GEMIN7: variants seen among roughly 807,000 people sequenced by gnomAD.
GEMIN7 encodes the protein gem nuclear organelle associated protein 7.
GEMIN7 carries 7 observed loss-of-function variants against 7.8 expected under a neutral mutation model. The observed-to-expected ratio is 0.90, with a 90% CI of 0.51 to 1.69. The LOEUF is 1.69. Ranked by LOEUF, GEMIN7 falls within the 40% of genes most tolerant of loss-of-function variation. GEMIN7 has a pLI of 0.00. For synonymous variants in GEMIN7, 68 were observed against 72.4 expected (o/e 0.94, Z 0.31); for missense variants, 159 against 176.2 (o/e 0.90, Z 0.55).
intron 2 of GEMIN7, among the ~76,000 whole-genome samples, chr19:45,080,321 G>A (rs1157445217): frequency 6.6e-6 from 1 of 151,870 alleles, no homozygotes; most frequent in Non-Finnish European, 1.5e-5. Context: ...GCACGGGTGA[G>A]GACCAGAGTT....
At chr19:45,076,294 A>G, upstream of GEMIN7, 1 of 1,454,252 alleles carries the variant, frequency 6.9e-7, no homozygotes, top group Non-Finnish European at 9.1e-7. The surrounding 1 kb of genome is among the most constrained non-coding windows in gnomAD (Gnocchi z 4.9). Flanking sequence ...GAGGTCCTGC[A>G]TTTCCATCTC....
chr19:45,084,543 C>T (rs1184615467), intron 2 of GEMIN7, among the ~76,000 whole-genome samples: 1 of 152,008 alleles, frequency 6.6e-6, no homozygotes, highest in Non-Finnish European at 1.5e-5. Flanking sequence ...GTTGGGATTA[C>T]AGGTGTGTGC....
At chr19:45,081,963 A>G (rs1325481191) in intron 2 of GEMIN7, among the ~76,000 whole-genome samples, 1 of 151,776 alleles carries the variant, frequency 6.6e-6, no homozygotes, top group Non-Finnish European at 1.5e-5. Context: ...ACTTCTCCCC[A>G]TTCCCATTGT....
intron 2 of GEMIN7, among the ~76,000 whole-genome samples, chr19:45,089,087 G>C (rs879932677): frequency 7.2e-5 from 11 of 151,834 alleles, no homozygotes; most frequent in Admixed American, 6.6e-4. Context: ...GACTACAGGC[G>C]CATGACACCA....
chr19:45,076,552 G>T (rs1280257696), upstream of GEMIN7: 1 of 407,734 alleles, frequency 2.5e-6, no homozygotes, highest in African/African-American at 2.1e-5. The surrounding 1 kb of genome is among the most constrained non-coding windows in gnomAD (Gnocchi z 4.9). Flanking sequence ...GGGCTCATGG[G>T]AGGGGACCGA....
rs1223623181 is a variant in GEMIN7 at position 45,090,308 on chromosome 19, G to A, written c.194G>A (p.Arg65His). Residue 65 changes from arginine to histidine, a missense_variant, in exon 3 of 3, where the codon CGT becomes CAT. Arg to His is a conservative substitution (Grantham distance 29). Transcript: ENST00000270257. ...EQRARAALRE[R>H]YLRSLLAMVG... ...CGGGCACGAGCCGCCCTTCGGGAGCGTTACCTCCGCAGCCTGCTGGCCATG... is the reference window on the plus strand; with the variant it reads ...CGGGCACGAGCCGCCCTTCGGGAGCATTACCTCCGCAGCCTGCTGGCCATG... 5.6e-6 allele frequency: 9 copies of A among 1,614,042 alleles called. No homozygotes were observed. Among genetic ancestry groups the A allele is most frequent in the South Asian group, 1.1e-5 (1 of 91,088 alleles).
upstream of GEMIN7, among the ~76,000 whole-genome samples, chr19:45,077,493 A>G (rs1335600695): frequency 6.6e-6 from 1 of 152,144 alleles, no homozygotes; most frequent in African/African-American, 2.4e-5. Flanking sequence ...ACTGCACGAC[A>G]GTATAGAACG....
chr19:45,079,095 C>G (rs1400681312), upstream of GEMIN7: 1 of 152,240 alleles, frequency 6.6e-6, no homozygotes, highest in Non-Finnish European at 1.5e-5. Flanking sequence ...CCAAGTGCCC[C>G]GCAAAGCCGC....
chr19:45,077,822 T>C (rs1967385405), upstream of GEMIN7, among the ~76,000 whole-genome samples: 1 of 152,056 alleles, frequency 6.6e-6, no homozygotes, highest in Non-Finnish European at 1.5e-5. Context: ...TAGAGGGTTA[T>C]CTGAGGTGGT....
rs1287798201 is a variant in GEMIN7 at position 45,090,545 on chromosome 19, G to A, written c.*35G>A. The A allele has an allele frequency of 6.4e-7, 1 of 1,570,508 alleles. No individual in the cohort carries two copies. The highest frequency in any genetic ancestry group is 8.7e-7 in the Non-Finnish European group (1 of 1,151,308). On this transcript the variant is annotated 3_prime_UTR_variant, in exon 3 of 3. Transcript: ENST00000270257. ...GTTCACTTTTCTGCTTGAGGCTAAG[G>A]CACTGTATCCCAGGCCTCCCAATGT...
intron 2 of GEMIN7, among the ~76,000 whole-genome samples, chr19:45,081,127 C>T (rs10427100): frequency 2.6e-5 from 4 of 151,948 alleles, no homozygotes; most frequent in Non-Finnish European, 4.4e-5. Flanking sequence ...TACAGCGAGA[C>T]CTCACCTCAA....
At chr19:45,081,456 T>TAA (rs770031956) in intron 2 of GEMIN7, among the ~76,000 whole-genome samples, 21 of 131,058 alleles carry the variant, frequency 1.6e-4, no homozygotes, top group African/African-American at 8.4e-5. Context: ...GACTCCGTCT[T>TAA]AAAAAAAAAA....
At chr19:45,082,212 C>A (rs568245107) in intron 2 of GEMIN7, among the ~76,000 whole-genome samples, 4 of 152,142 alleles carry the variant, frequency 2.6e-5, no homozygotes, top group Admixed American at 2.6e-4. Flanking sequence ...TCCCTGCCCC[C>A]ACCTCCTCCA....
intron 2 of GEMIN7, among the ~76,000 whole-genome samples, chr19:45,080,908 T>A (rs1172470730): frequency 1.3e-5 from 2 of 152,060 alleles, no homozygotes; most frequent in Admixed American, 1.3e-4. Flanking sequence ...CCCTAGAGAC[T>A]AGGGGGTTTC....
At chr19:45,085,872 T>C (rs1259932350) in intron 2 of GEMIN7, among the ~76,000 whole-genome samples, 1 of 136,468 alleles carries the variant, frequency 7.3e-6, no homozygotes, top group East Asian at 2.1e-4. Context: ...TCTTTTTTTT[T>C]TTTTTTTTTT....
At chr19:45,076,420 G>A, upstream of GEMIN7, 2 of 1,212,964 alleles carry the variant, frequency 1.6e-6, no homozygotes, top group Non-Finnish European at 1.0e-6. This position sits in a 1 kb window ranked among gnomAD's most constrained non-coding sequence, Gnocchi z 4.9. Flanking sequence ...AGGCAGGCGG[G>A]CGGGCGGAGG....
At position 45,090,403 on chromosome 19, in the gene GEMIN7, C is replaced by G; in HGVS notation, c.289C>G (p.Leu97Val). 1 of 1,614,172 alleles carries G rather than the reference C, an allele frequency of 6.2e-7. No individual in the cohort carries two copies. The highest frequency in any genetic ancestry group is 2.2e-5 in the East Asian group (1 of 44,892). ...RVAAHFGATD[L>V]DVANFYVSQL... ...GGCCGCCCACTTTGGAGCCACCGACCTGGATGTGGCCAACTTCTACGTGTC... is the reference window on the plus strand; with the variant it reads ...GGCCGCCCACTTTGGAGCCACCGACGTGGATGTGGCCAACTTCTACGTGTC... Residue 97 changes from leucine (L) to valine (V), a missense_variant, in exon 3 of 3, where the codon CTG becomes GTG. By Grantham distance (32) the Leu-to-Val change is conservative. Transcript: ENST00000270257.
chr19:45,089,979 G>A (rs1600146492), intron 2 of GEMIN7, 128 bp from the exon 3 acceptor site: 1 of 919,478 alleles, frequency 1.1e-6, no homozygotes, highest in East Asian at 2.4e-5. Context: ...ATTTTAGGAG[G>A]GTGGATCAGT....
rs778823838 is a variant in GEMIN7, at chr19:45,090,239, A to G, written c.125A>G (p.Gln42Arg). The change falls in exon 3 of 3, where the codon CAG (glutamine) becomes CGG (arginine). Residue 42 changes from glutamine (Q) to arginine (R), a missense_variant. Transcript: ENST00000270257. Reference sequence around the variant, plus strand: ...TTGAGGCCAGAGGTTCCTGAAATCCAGGAGTGTCCCATAGCTCAAGAATCC... The same window carrying G: ...TTGAGGCCAGAGGTTCCTGAAATCCGGGAGTGTCCCATAGCTCAAGAATCC... The part of the protein sequence containing the change: ...APLRPEVPEI[Q>R]ECPIAQESLE... 3 of 1,614,212 alleles carry G rather than the reference A, an allele frequency of 1.9e-6. No individual in the cohort carries two copies. Among genetic ancestry groups the G allele is most frequent in the Non-Finnish European group, 1.7e-6 (2 of 1,180,046 alleles).
Sources: gnomAD v4.1 joint callset for allele counts (sites outside exome capture counted in the v4.1 genomes callset) on GRCh38, gnomAD v4.1.1 for gene constraint, Gnocchi (gnomAD v3.1) non-coding constraint, MANE v1.5 for transcripts, NCBI Gene and HGNC (gene_info 2026-07-23, HGNC 2026-07-21) for gene names.